ADCY2: variants seen among roughly 807,000 people sequenced by gnomAD.
ADCY2 encodes adenylate cyclase 2, also known as adenylate cyclase type 2.
In ADCY2, 31 loss-of-function variants were observed where a neutral mutation model predicts 125.2. That is an observed-to-expected ratio of 0.25 (90% CI 0.19 to 0.33). ADCY2 has a LOEUF of 0.33. Ranked by LOEUF, ADCY2 falls within the 10% of genes least tolerant of loss-of-function variation. The pLI is 1.00. For synonymous variants in ADCY2, 512 were observed against 548.4 expected (o/e 0.93, Z 0.93); for missense variants, 904 against 1,418.2 (o/e 0.64, Z 5.82).
chr5:7,517,910 AAG>A (rs1231558279), intron 2 of ADCY2, among the ~76,000 whole-genome samples: 5 of 152,212 alleles, frequency 3.3e-5, no homozygotes, highest in African/African-American at 1.2e-4. Flanking sequence ...GTAATCATAA[AAG>A]AGAGGTTCTC....
intron 24 of ADCY2, among the ~76,000 whole-genome samples, chr5:7,820,969 G>C (rs147052127): frequency 6.6e-6 from 1 of 152,180 alleles, no homozygotes; most frequent in South Asian, 2.1e-4. Flanking sequence ...TGAGCATTCA[G>C]TACAGGAGAA....
chr5:7,624,158 T>C (rs1738046114), intron 3 of ADCY2, among the ~76,000 whole-genome samples: 1 of 152,182 alleles, frequency 6.6e-6, no homozygotes, highest in African/African-American at 2.4e-5. Flanking sequence ...TTCTTTTAAT[T>C]TCTAACTCTG....
At chr5:7,676,986 C>T (rs1202102709) in intron 4 of ADCY2, among the ~76,000 whole-genome samples, 1 of 152,128 alleles carries the variant, frequency 6.6e-6, no homozygotes, top group African/African-American at 2.4e-5. Flanking sequence ...TGTAGAAATT[C>T]TTTAACCCAG....
intron 4 of ADCY2, among the ~76,000 whole-genome samples, chr5:7,648,539 G>T (rs183727094): frequency 6.6e-6 from 1 of 152,222 alleles, no homozygotes; most frequent in African/African-American, 2.4e-5. Flanking sequence ...TGCAACAAAT[G>T]CCATGGCAAT....
intron 4 of ADCY2, among the ~76,000 whole-genome samples, chr5:7,669,269 G>T (rs73035903): frequency 2.0e-5 from 3 of 152,168 alleles, no homozygotes; most frequent in Non-Finnish European, 4.4e-5. Flanking sequence ...TACCTGGGTC[G>T]AAGGGTGGTG....
At chr5:7,742,154 G>T (rs1201273305) in intron 14 of ADCY2, among the ~76,000 whole-genome samples, 2 of 146,176 alleles carry the variant, frequency 1.4e-5, no homozygotes, top group Non-Finnish European at 3.0e-5. Flanking sequence ...ACCTGTCAGA[G>T]CTCCTTCGTA....
At chr5:7,572,714 A>G (rs1348235429) in intron 3 of ADCY2, among the ~76,000 whole-genome samples, 6 of 152,108 alleles carry the variant, frequency 3.9e-5, no homozygotes, top group Non-Finnish European at 7.3e-5. Flanking sequence ...GCCAGTGCCT[A>G]TGTTCTGGAT....
At chr5:7,771,110 G>T (rs1421222916) in intron 17 of ADCY2, among the ~76,000 whole-genome samples, 1 of 152,138 alleles carries the variant, frequency 6.6e-6, no homozygotes, top group Non-Finnish European at 1.5e-5. Context: ...CCTCAGACCT[G>T]CCCTGAAGTA....
chr5:7,721,714 T>TG (rs1579355631), intron 12 of ADCY2, among the ~76,000 whole-genome samples: 1 of 152,188 alleles, frequency 6.6e-6, no homozygotes, highest in Admixed American at 6.5e-5. Context: ...TGTAGATGTG[T>TG]GTATTATTTC....
At position 7,635,941 on chromosome 5, in the gene ADCY2, T is replaced by C. The variant is rs139140134; in HGVS notation, c.720+9625T>C. On this transcript the variant is annotated intron_variant, in intron 4 of 24. Coordinates refer to ENST00000338316, the MANE Select transcript of ADCY2 (RefSeq NM_020546.3). ...GTTGTGGGTTTTTCCCATGTGCCTT[T>C]CATGGGATCCTTCTTTGACCTCACA... Among the ~76,000 whole-genome samples the C allele has an allele frequency of 2.2e-3, 333 of 152,330 alleles. 1 individual carries two copies. The highest frequency in any genetic ancestry group is 7.5e-3 in the African/African-American group (311 of 41,586).
chr5:7,611,497 T>C (rs1737571038), intron 3 of ADCY2, among the ~76,000 whole-genome samples: 1 of 152,202 alleles, frequency 6.6e-6, no homozygotes, highest in Non-Finnish European at 1.5e-5. Flanking sequence ...TATTATATAA[T>C]ATATCCACTG....
intron 22 of ADCY2, among the ~76,000 whole-genome samples, chr5:7,805,037 C>T (rs937316496): frequency 3.9e-5 from 6 of 152,016 alleles, no homozygotes; most frequent in Admixed American, 6.5e-5. Flanking sequence ...TAGTCAAGGC[C>T]GTGTGCGGTG....
intron 2 of ADCY2, among the ~76,000 whole-genome samples, chr5:7,487,025 C>T (rs1284674836): frequency 2.6e-5 from 4 of 152,208 alleles, no homozygotes; most frequent in Non-Finnish European, 5.9e-5. Context: ...CACAGGCTTC[C>T]TCCCAGTGGT....
intron 23 of ADCY2, among the ~76,000 whole-genome samples, chr5:7,818,816 C>T (rs558390873): frequency 2.0e-4 from 31 of 152,008 alleles, no homozygotes; most frequent in Middle Eastern, 6.8e-3. Context: ...AAAATGGGCT[C>T]CTCAAATTTT....
At position 7,707,822 on chromosome 5, in the gene ADCY2, T is replaced by C. The variant is rs1426771250; in HGVS notation, c.1385T>C (p.Phe462Ser). ...YLKQHLVKTYFVINPKGERRS... is the reference protein window; with the variant it reads ...YLKQHLVKTYSVINPKGERRS... ...AAACAGCACCTGGTGAAAACCTACT[T>C]TGTGATCAACCCCAAGGTCAGTATC... The change falls in exon 9 of 25, where the codon TTT (phenylalanine) becomes TCT (serine). Residue 462 changes from phenylalanine (F) to serine (S), a missense_variant. Transcript: ENST00000338316. The C allele has an allele frequency of 1.2e-6, 2 of 1,613,990 alleles. No homozygotes were observed. Among genetic ancestry groups the C allele is most frequent in the African/African-American group, 1.3e-5 (1 of 74,902 alleles).
intron 24 of ADCY2, among the ~76,000 whole-genome samples, chr5:7,822,782 G>A (rs949308457): frequency 8.5e-5 from 13 of 152,144 alleles, no homozygotes; most frequent in African/African-American, 3.1e-4. Flanking sequence ...CTCTCAGAAA[G>A]CAGTGGATTC....
chr5:7,439,470 G>A (rs1740926368), intron 2 of ADCY2, among the ~76,000 whole-genome samples: 1 of 151,728 alleles, frequency 6.6e-6, no homozygotes, highest in East Asian at 1.9e-4. Context: ...CTTGACACAT[G>A]GGGATTATTA....
intron 4 of ADCY2, among the ~76,000 whole-genome samples, chr5:7,679,535 G>C (rs561465620): frequency 6.6e-6 from 1 of 152,328 alleles, no homozygotes; most frequent in Non-Finnish European, 1.5e-5. Flanking sequence ...GATTCTCTAG[G>C]TGACAGAGGT....
intron 2 of ADCY2, among the ~76,000 whole-genome samples, chr5:7,431,639 C>A (rs537334468): frequency 1.3e-5 from 2 of 150,558 alleles, no homozygotes; most frequent in Non-Finnish European, 2.9e-5. Context: ...AATGAAAATG[C>A]AAACCACAGG....
Sources: gnomAD v4.1 joint callset for allele counts (sites outside exome capture counted in the v4.1 genomes callset) on GRCh38, gnomAD v4.1.1 for gene constraint, MANE v1.5 for transcripts, NCBI Gene and HGNC (gene_info 2026-07-23, HGNC 2026-07-21) for gene names.